POTEJ: variants seen among roughly 807,000 people sequenced by gnomAD.
POTEJ encodes the protein POTE ankyrin domain family member J.
POTEJ carries 11 observed loss-of-function variants against 69.0 expected under a neutral mutation model. That is an observed-to-expected ratio of 0.16 (90% CI 0.10 to 0.26). The LOEUF (loss-of-function observed/expected upper bound fraction) is 0.26. POTEJ is among the 10% of genes least tolerant of loss of function. The pLI is 1.00. For missense variants in POTEJ, 327 were observed against 1,045.5 expected (o/e 0.31, Z 9.48); for synonymous variants, 117 against 381.1 (o/e 0.31, Z 8.07).
At position 130,641,008 on chromosome 2, in the gene POTEJ, G is replaced by T. The variant is rs1304269774; in HGVS notation, c.1369+2319G>T. Among the ~76,000 whole-genome samples, 8 of 151,968 alleles carry T rather than the reference G, an allele frequency of 5.3e-5. No individual in the cohort carries two copies. The East Asian group carries it at 1.5e-3, about 29-fold the overall frequency. ...TGGGTTAGCAGGCTTTTTCTTTAAA[G>T]GACCAGGTGGGCAATATTTTAGACT... On this transcript the variant is annotated intron_variant, in intron 10 of 14. Coordinates refer to ENST00000409602, the MANE Select transcript of POTEJ (RefSeq NM_001277083.2).
At chr2:130,637,851 A>G (rs1345583883) in intron 9 of POTEJ, among the ~76,000 whole-genome samples, 4 of 150,526 alleles carry the variant, frequency 2.7e-5, no homozygotes, top group Non-Finnish European at 5.9e-5. Context: ...GAGAAGGATC[A>G]TTGGTCCAAG....
chr2:130,641,658 T>A (rs1278965803), intron 10 of POTEJ, among the ~76,000 whole-genome samples: 1 of 151,562 alleles, frequency 6.6e-6, no homozygotes, highest in African/African-American at 2.4e-5. Context: ...AGTAGGAAAT[T>A]TTCTGGTGAA....
At chr2:130,637,898 C>T (rs1475338795) in intron 9 of POTEJ, among the ~76,000 whole-genome samples, 4 of 145,870 alleles carry the variant, frequency 2.7e-5, no homozygotes, top group African/African-American at 8.0e-5. Flanking sequence ...CTGCCCTTGG[C>T]GTGATTCATC....
chr2:130,648,167 C>G (rs1384130921), intron 13 of POTEJ, among the ~76,000 whole-genome samples: 1 of 146,154 alleles, frequency 6.8e-6, no homozygotes, highest in East Asian at 1.9e-4. Context: ...TAAGCATGAA[C>G]AAAATGATAA....
intron 6 of POTEJ, among the ~76,000 whole-genome samples, chr2:130,628,878 C>T (rs1313860648): frequency 1.4e-5 from 2 of 145,174 alleles, no homozygotes; most frequent in Non-Finnish European, 3.0e-5. Context: ...ATTAGCAGGG[C>T]CTGATGGTGC....
At chr2:130,654,642 A>G (rs1168694155) in intron 13 of POTEJ, among the ~76,000 whole-genome samples, 5 of 145,420 alleles carry the variant, frequency 3.4e-5, no homozygotes. Context: ...TTATATATTA[A>G]TAATAATAGA....
intron 10 of POTEJ, among the ~76,000 whole-genome samples, chr2:130,642,187 G>C (rs1453138630): frequency 6.9e-6 from 1 of 144,214 alleles, no homozygotes; most frequent in South Asian, 2.2e-4. Context: ...ATAATGAAAA[G>C]AAGTAAGAGA....
chr2:130,654,730 C>G (rs1458350973), intron 13 of POTEJ, among the ~76,000 whole-genome samples, 191 bp from the exon 14 acceptor site: 1 of 144,568 alleles, frequency 6.9e-6, no homozygotes, highest in Non-Finnish European at 1.5e-5. Flanking sequence ...TAAAAATTAT[C>G]TTCCACAAAA....
At chr2:130,647,043 GTAT>G (rs1350813194) in intron 13 of POTEJ, among the ~76,000 whole-genome samples, 14 of 149,736 alleles carry the variant, frequency 9.3e-5, no homozygotes, top group African/African-American at 3.3e-4. Context: ...ATTTATTATA[GTAT>G]TATTATGTAA....
At chr2:130,641,048 A>G (rs1254532767) in intron 10 of POTEJ, among the ~76,000 whole-genome samples, 1 of 152,188 alleles carries the variant, frequency 6.6e-6, no homozygotes. Flanking sequence ...GGTCTCTGTC[A>G]TATCTACTTA....
At chr2:130,649,244 C>A (rs1481608401) in intron 13 of POTEJ, among the ~76,000 whole-genome samples, 1 of 151,320 alleles carries the variant, frequency 6.6e-6, no homozygotes, top group Admixed American at 6.6e-5. Flanking sequence ...TTGTCAGATC[C>A]AAAATTGGGC....
Position 130,657,575 on chromosome 2 carries a change from G to T in POTEJ, c.2815G>T (p.Glu939Ter), listed in dbSNP as rs759345388. The stretch of plus-strand genomic sequence containing the variant: ...GGGCATGGAATCCTGTGGCATCCAT[G>T]AAACTACCTTCAACTCCATCATGAA... ...FLGMESCGIHETTFNSIMKSD... is the reference protein window; with the variant it reads ...FLGMESCGIH Residue 939 changes from glutamate (E) to a stop codon, truncating the protein, a stop_gained, in exon 15 of 15, where the codon GAA (glutamate) becomes TAA (stop). Coordinates refer to ENST00000409602, the MANE Select transcript of POTEJ (RefSeq NM_001277083.2). LOFTEE classifies it high-confidence loss of function. 2 of 1,547,790 alleles carry T rather than the reference G, an allele frequency of 1.3e-6. No individual in the cohort carries two copies. The highest frequency in any genetic ancestry group is 8.8e-7 in the Non-Finnish European group (1 of 1,137,708).
At position 130,657,626 on chromosome 2, in the gene POTEJ, C is replaced by G; in HGVS notation, c.2866C>G (p.Leu956Val). The change falls in exon 15 of 15, where the codon CTG (leucine) becomes GTG (valine). Residue 956 changes from leucine to valine, a missense_variant. Coordinates refer to ENST00000409602, the MANE Select transcript of POTEJ (RefSeq NM_001277083.2). Reference sequence around the variant, plus strand: ...GTCTGATGTGGACATCCGCAAAGACCTGTACACCAACACAGTGCTGTCTGG... The same window carrying G: ...GTCTGATGTGGACATCCGCAAAGACGTGTACACCAACACAGTGCTGTCTGG... ...MKSDVDIRKD[L>V]YTNTVLSGGT... 3.3e-6 allele frequency: 5 copies of G among 1,514,268 alleles called. No individual in the cohort carries two copies. Among genetic ancestry groups the G allele is most frequent in the South Asian group, 1.1e-5 (1 of 89,256 alleles). 93.8% of individuals were successfully genotyped at this position (1,514,268 alleles called of 1,614,324 possible). A position where few individuals can be genotyped will look rare whatever the true frequency, so the allele number is the denominator to read the frequency against.
In POTEJ at chr2:130,648,781, G is replaced by GTTTTTTTTT. The variant is rs761289482; in HGVS notation, c.1667+2492_1667+2500dup. Among the ~76,000 whole-genome samples the GTTTTTTTTT allele has an allele frequency of 9.8e-5, 8 of 81,854 alleles. 1 individual carries two copies. Among genetic ancestry groups the GTTTTTTTTT allele is most frequent in the African/African-American group, 4.4e-4 (8 of 18,098 alleles). 53.7% of individuals were successfully genotyped at this position (81,854 alleles called of 152,430 possible). ...TCAGTCCTCAATCTTCTTTCTCATA[G>GTTTTTTTTT]TTTTTTTTTTTTTTTTTTTTTTTTT... On this transcript the variant is annotated intron_variant, in intron 13 of 14. Transcript: ENST00000409602.
intron 14 of POTEJ, 29 bp from the exon 15 acceptor site, chr2:130,656,520 C>T: frequency 1.2e-6 from 2 of 1,603,202 alleles, no homozygotes; most frequent in Non-Finnish European, 8.5e-7. Context: ...CTATTGAGTG[C>T]TAACTAAAAG....
intron 10 of POTEJ, among the ~76,000 whole-genome samples, chr2:130,640,698 A>G (rs1686326004): frequency 6.6e-6 from 1 of 152,044 alleles, no homozygotes; most frequent in African/African-American, 2.4e-5. Context: ...GGCTTCCTGT[A>G]ACATTTCATT....
intron 1 of POTEJ, among the ~76,000 whole-genome samples, chr2:130,612,584 C>G (rs1284339202): frequency 6.6e-6 from 1 of 152,170 alleles, no homozygotes; most frequent in African/African-American, 2.4e-5. Flanking sequence ...CACGGTGAAA[C>G]CCTGTCTCTA....
rs548361751 is a variant in POTEJ at position 130,656,684 on chromosome 2, G to A, written c.1924G>A (p.Asp642Asn). The A allele has an allele frequency of 3.1e-6, 5 of 1,610,138 alleles. No homozygotes were observed. The East Asian group carries it at 1.1e-4, about 36-fold the overall frequency. ...SQLRKKKYLEDIESVKKKNDN... is the reference protein window; with the variant it reads ...SQLRKKKYLENIESVKKKNDN... ...GCTAAGAAAAAAGAAATATTTGGAG[G>A]ATATTGAAAGTGTGAAAAAAAAGAA... Residue 642 changes from aspartate to asparagine, a missense_variant, in exon 15 of 15, where the codon GAT becomes AAT. Physicochemically the swap from Asp to Asn is conservative, Grantham distance 23. Coordinates refer to ENST00000409602, the MANE Select transcript of POTEJ (RefSeq NM_001277083.2).
At chr2:130,639,305 A>G (rs1354613614) in intron 10 of POTEJ, among the ~76,000 whole-genome samples, 1 of 152,310 alleles carries the variant, frequency 6.6e-6, no homozygotes, top group East Asian at 1.9e-4. Flanking sequence ...TTGTTCACAA[A>G]AGAACAGTGA....
Sources: allele counts gnomAD v4.1 joint callset (sites outside exome capture counted in the v4.1 genomes callset), GRCh38; gene constraint gnomAD v4.1.1; transcripts MANE v1.5; gene names NCBI Gene and HGNC (gene_info 2026-07-23, HGNC 2026-07-21).